The following PARN variants were observed in gnomAD, a reference collection of about 807,000 sequenced individuals.
PARN encodes the protein poly(A)-specific ribonuclease PARN.
A neutral mutation model predicts 102.8 loss-of-function variants in PARN; 71 were observed. The observed-to-expected ratio is 0.69, with a 90% CI of 0.57 to 0.84. The LOEUF (loss-of-function observed/expected upper bound fraction) is 0.84. PARN is among the 40% of genes least tolerant of loss of function. The pLI is 0.00. For synonymous variants in PARN, 261 were observed against 252.9 expected (o/e 1.03, Z -0.30); for missense variants, 782 against 760.9 (o/e 1.03, Z -0.33).
At chr16:14,480,890 G>A (rs1316965356) in intron 22 of PARN, among the ~76,000 whole-genome samples, 1 of 151,980 alleles carries the variant, frequency 6.6e-6, no homozygotes, top group Non-Finnish European at 1.5e-5. Flanking sequence ...AGTGAGCCAA[G>A]ATCGCACCAC....
chr16:14,620,964 T>C (rs1972259899), intron 5 of PARN, among the ~76,000 whole-genome samples: 1 of 152,246 alleles, frequency 6.6e-6, no homozygotes, highest in South Asian at 2.1e-4. Flanking sequence ...AAAAGGTAAA[T>C]ACCGTATATA....
intron 22 of PARN, 137 bp downstream of exon 22, chr16:14,482,501 A>C (rs1357965914): frequency 6.7e-6 from 4 of 598,798 alleles, no homozygotes; most frequent in Non-Finnish European, 1.1e-5. Context: ...GGTCATAGTC[A>C]CTTCTGATAT....
At chr16:14,612,455 TA>T (rs1295481372) in intron 6 of PARN, among the ~76,000 whole-genome samples, 4 of 150,772 alleles carry the variant, frequency 2.7e-5, no homozygotes, top group Non-Finnish European at 4.4e-5. Flanking sequence ...AAAATAAAAA[TA>T]AAAAAAACAC....
At chr16:14,498,648 T>C (rs1330686110) in intron 21 of PARN, among the ~76,000 whole-genome samples, 1 of 152,114 alleles carries the variant, frequency 6.6e-6, no homozygotes, top group African/African-American at 2.4e-5. Context: ...CGTGCCTTCA[T>C]GGAGCCCTGT....
chr16:14,520,370 T>C (rs1347126466), intron 21 of PARN, among the ~76,000 whole-genome samples: 2 of 152,180 alleles, frequency 1.3e-5, no homozygotes, highest in African/African-American at 4.8e-5. Context: ...CAATAGTTTA[T>C]CATTTTAAGA....
At chr16:14,446,777 T>C (rs891178606) in intron 23 of PARN, 111 bp downstream of exon 23, 7 of 699,206 alleles carry the variant, frequency 1.0e-5, no homozygotes, top group African/African-American at 3.6e-5. Context: ...GAAGACTACA[T>C]GGGCTTTGCC....
chr16:14,629,851 G>A (rs571390731), intron 1 of PARN, among the ~76,000 whole-genome samples, 177 bp from the exon 2 acceptor site: 1 of 152,342 alleles, frequency 6.6e-6, no homozygotes, highest in Admixed American at 6.5e-5. Context: ...GGGGGGACAA[G>A]CCCCGGGGGG....
At chr16:14,612,456 A>T (rs945804525) in intron 6 of PARN, among the ~76,000 whole-genome samples, 4 of 151,900 alleles carry the variant, frequency 2.6e-5, no homozygotes, top group South Asian at 2.1e-4. Flanking sequence ...AAATAAAAAT[A>T]AAAAAAACAC....
chr16:14,551,909 A>T lies in PARN; in HGVS notation c.1480+112T>A, dbSNP rs1338433684. 4.6e-6 allele frequency: 3 copies of T among 646,430 alleles called. No homozygotes were observed. In the African/African-American group the frequency reaches 5.5e-5, roughly 12 times the overall value. 40.0% of individuals were successfully genotyped at this position (646,430 alleles called of 1,614,324 possible). A position where few individuals can be genotyped will look rare whatever the true frequency, so the allele number is the denominator to read the frequency against. ...TCAGAGACAATCTCAAAAACAAACG[A>T]GGCAGCAATGAGTGTAAGCTGACTG... On this transcript the variant is annotated intron_variant, in intron 21 of 23. Transcript: ENST00000437198.
intron 22 of PARN, among the ~76,000 whole-genome samples, chr16:14,458,363 A>G (rs893868558): frequency 7.9e-5 from 12 of 152,192 alleles, no homozygotes; most frequent in African/African-American, 2.4e-4. Context: ...TATAAGAAAA[A>G]CAAAACATCA....
chr16:14,466,167 A>T (rs1962336450), intron 22 of PARN, among the ~76,000 whole-genome samples: 2 of 152,214 alleles, frequency 1.3e-5, no homozygotes, highest in African/African-American at 4.8e-5. Context: ...AAAAATGAAG[A>T]AGTAGCAGTA....
At chr16:14,510,916 G>A (rs1419055229) in intron 21 of PARN, among the ~76,000 whole-genome samples, 1 of 152,150 alleles carries the variant, frequency 6.6e-6, no homozygotes, top group African/African-American at 2.4e-5. Context: ...TGTTTCTGAG[G>A]CAATTTTTCT....
At chr16:14,516,492 G>C (rs1400081389) in intron 21 of PARN, among the ~76,000 whole-genome samples, 1 of 152,094 alleles carries the variant, frequency 6.6e-6, no homozygotes, top group Non-Finnish European at 1.5e-5. Flanking sequence ...TGGTCAAAAA[G>C]AGTAAGTCAA....
At chr16:14,612,463 AC>A (rs1340749747) in intron 6 of PARN, among the ~76,000 whole-genome samples, 2 of 152,078 alleles carry the variant, frequency 1.3e-5, no homozygotes, top group African/African-American at 2.4e-5. Context: ...AATAAAAAAA[AC>A]ACCTTGCTAT....
At chr16:14,591,741 A>G (rs558136311) in intron 13 of PARN, among the ~76,000 whole-genome samples, 1 of 152,296 alleles carries the variant, frequency 6.6e-6, no homozygotes, top group South Asian at 2.1e-4. Context: ...GCTTGCAACA[A>G]AAATAAAAAC....
At chr16:14,545,318 G>C (rs1966878854) in intron 21 of PARN, among the ~76,000 whole-genome samples, 1 of 152,058 alleles carries the variant, frequency 6.6e-6, no homozygotes. Context: ...AAATTTAAGA[G>C]GACTGAAATC....
intron 10 of PARN, among the ~76,000 whole-genome samples, chr16:14,605,637 C>T (rs1028420644): frequency 4.6e-5 from 7 of 151,962 alleles, no homozygotes; most frequent in East Asian, 1.9e-4. Context: ...AAATTATCTA[C>T]CAAGATTATT....
At chr16:14,584,473 A>G (rs948698717) in intron 15 of PARN, 51 bp from the exon 16 acceptor site, 1 of 1,446,430 alleles carries the variant, frequency 6.9e-7, no homozygotes, top group South Asian at 1.2e-5. Flanking sequence ...TCAGAACAAT[A>G]TATTAAAGAG....
intron 6 of PARN, among the ~76,000 whole-genome samples, chr16:14,615,913 A>C (rs983703404): frequency 1.3e-5 from 2 of 151,952 alleles, no homozygotes; most frequent in Non-Finnish European, 2.9e-5. Context: ...AAAAAAAAAA[A>C]AAACACCACC....
Sources: gnomAD v4.1 joint callset for allele counts (sites outside exome capture counted in the v4.1 genomes callset) on GRCh38, gnomAD v4.1.1 for gene constraint, MANE v1.5 for transcripts, NCBI Gene and HGNC (gene_info 2026-07-23, HGNC 2026-07-21) for gene names.